CIB1: variants seen among roughly 807,000 people sequenced by gnomAD.
CIB1 encodes calcium and integrin binding 1.
In CIB1, 19 loss-of-function variants were observed where a neutral mutation model predicts 25.0. The ratio of observed to expected loss-of-function variants is 0.76; its 90% CI spans 0.53 to 1.12. CIB1 has a LOEUF of 1.12. Among genes scored for constraint, CIB1 ranks in the 50% most tolerant of loss-of-function variants. The pLI is 0.00. For synonymous variants in CIB1, 104 were observed against 98.5 expected, an observed-to-expected ratio of 1.06 and a Z score of -0.33; for missense variants, 236 against 242.6, an observed-to-expected ratio of 0.97 and a Z score of 0.18.
chr15:90,264,994 C>A, the CIB1 span: 5 of 1,517,430 alleles, frequency 3.3e-6, no homozygotes, highest in Non-Finnish European at 4.4e-6. Context: ...CTCTACCTCT[C>A]CTGGATAACC....
At chr15:90,264,570 C>A in the CIB1 span, 1 of 887,806 alleles carries the variant, frequency 1.1e-6, no homozygotes, top group Non-Finnish European at 1.7e-6. Flanking sequence ...AAAGACATAC[C>A]ATACCAATTA....
chr15:90,258,625 C>A, the CIB1 span: 1 of 866,514 alleles, frequency 1.2e-6, no homozygotes, highest in Non-Finnish European at 1.8e-6. Flanking sequence ...GAGCATCCAG[C>A]CTCCCCGGCT....
the CIB1 span, chr15:90,241,230 C>A: frequency 1.2e-6 from 2 of 1,614,074 alleles, no homozygotes; most frequent in Non-Finnish European, 1.7e-6. Flanking sequence ...GCAGAGGAGG[C>A]CCCCGCAGAC....
chr15:90,253,493 C>T, the CIB1 span: 5 of 554,378 alleles, frequency 9.0e-6, no homozygotes, highest in African/African-American at 1.9e-5. Context: ...CAAGAAAGAC[C>T]ACCCCCAGGG....
chr15:90,262,678 G>C, the CIB1 span: 1 of 1,471,340 alleles, frequency 6.8e-7, no homozygotes, highest in Non-Finnish European at 8.9e-7. Context: ...AGGTGCCAGG[G>C]GTTTTGTAGC....
the CIB1 span, chr15:90,264,700 C>A: frequency 6.5e-7 from 1 of 1,534,114 alleles, no homozygotes; most frequent in African/African-American, 1.4e-5. Flanking sequence ...AACTCAGGGA[C>A]ATCCATGTTT....
Position 90,230,929 on chromosome 15 carries a change from C to G in CIB1, c.554+5G>C. 1 of 1,612,944 alleles carries G rather than the reference C, an allele frequency of 6.2e-7. No homozygotes were observed. The highest frequency in any genetic ancestry group is 8.5e-7 in the Non-Finnish European group (1 of 1,179,004). On this transcript the variant is annotated splice_donor_5th_base_variant and intron_variant, in intron 6 of 6. Transcript: ENST00000328649. Reference sequence around the variant, plus strand: ...ACCCAGAATGAAGGGGGACCACTGTCATACCTGGCAAAGTCTGGAGAACGG... The same window carrying G: ...ACCCAGAATGAAGGGGGACCACTGTGATACCTGGCAAAGTCTGGAGAACGG...
chr15:90,236,407 C>T (rs145672872), upstream of CIB1, among the ~76,000 whole-genome samples: 1,263 of 152,336 alleles, frequency 8.3e-3, 31 homozygotes, highest in African/African-American at 0.029. Context: ...ATCTAGATCT[C>T]TCAGTCACTT....
chr15:90,242,253 CTTTT>C, the CIB1 span: 5,771 of 88,482 alleles, frequency 0.065, 42 homozygotes, highest in East Asian at 0.16. Context: ...ACACACCTGG[CTTTT>C]TTTTTTTTTT....
the CIB1 span, chr15:90,251,602 C>T: frequency 2.4e-5 from 39 of 1,613,744 alleles, no homozygotes; most frequent in South Asian, 4.2e-4. Flanking sequence ...GTGGTAAGCA[C>T]CCAGCCCGTC....
At chr15:90,255,951 G>C in the CIB1 span, 2 of 1,609,114 alleles carry the variant, frequency 1.2e-6, no homozygotes, top group Admixed American at 3.3e-5. Context: ...TCAGAGCTCT[G>C]GTCTTGTGAC....
the CIB1 span, among the ~76,000 whole-genome samples, chr15:90,259,440 C>T: frequency 6.6e-6 from 1 of 151,898 alleles, no homozygotes; most frequent in African/African-American, 2.4e-5. Flanking sequence ...TTTAAAAATA[C>T]AGAGGGTAGT....
At chr15:90,234,054 G>A, upstream of CIB1, 1 of 772,104 alleles carries the variant, frequency 1.3e-6, no homozygotes, top group Middle Eastern at 3.9e-4. Context: ...AGCCGGGTTT[G>A]GCAGGCGAGC....
chr15:90,252,505 G>C, the CIB1 span, among the ~76,000 whole-genome samples: 1 of 152,292 alleles, frequency 6.6e-6, no homozygotes, highest in African/African-American at 2.4e-5. Context: ...CCAGAGATGA[G>C]ACAAGCTTAA....
At chr15:90,230,645 G>A (rs549971604) in intron 6 of CIB1, 140 bp from the exon 7 acceptor site, 24 of 872,164 alleles carry the variant, frequency 2.8e-5, no homozygotes, top group South Asian at 2.5e-4. Flanking sequence ...AGAACTCCCC[G>A]AGACATCCAG....
the CIB1 span, chr15:90,264,903 G>A: frequency 1.3e-6 from 2 of 1,536,030 alleles, no homozygotes; most frequent in Non-Finnish European, 1.7e-6. Flanking sequence ...GTTCCCCTCT[G>A]CCCTGCGTCT....
the CIB1 span, chr15:90,262,057 T>C: frequency 1.3e-6 from 2 of 1,535,964 alleles, no homozygotes; most frequent in African/African-American, 1.4e-5. Context: ...AGGAACGATA[T>C]GAGGATTCTC....
the CIB1 span, chr15:90,261,903 T>C: frequency 1.1e-5 from 11 of 996,440 alleles, no homozygotes; most frequent in Admixed American, 3.1e-4. Context: ...GCCCAGGAGG[T>C]CAAGAAGCCA....
At chr15:90,243,387 G>GCA in the CIB1 span, 1 of 146,446 alleles carries the variant, frequency 6.8e-6, no homozygotes, top group African/African-American at 2.6e-5. Context: ...TTGTTTTTTT[G>GCA]TAAGGCTGGG....
Sources: allele counts gnomAD v4.1 joint callset (sites outside exome capture counted in the v4.1 genomes callset), GRCh38; gene constraint gnomAD v4.1.1; transcripts MANE v1.5; gene names NCBI Gene and HGNC (gene_info 2026-07-23, HGNC 2026-07-21).